Variants in CLASP2 observed in about 807,000 individuals in gnomAD.
CLASP2 encodes CLIP-associating protein 2.
In CLASP2, 47 loss-of-function variants were observed where a neutral mutation model predicts 194.4. The observed-to-expected ratio is 0.24, with a 90% confidence interval of 0.19 to 0.31. The LOEUF (loss-of-function observed/expected upper bound fraction) is 0.31. Ranked by LOEUF, CLASP2 falls within the 10% of genes least tolerant of loss-of-function variation. The pLI, the probability that CLASP2 is intolerant of heterozygous loss-of-function variation, is 1.00. For missense variants in CLASP2, 1,445 were observed against 1,823.6 expected (o/e 0.79, Z 3.78); for synonymous variants, 619 against 633.5 (o/e 0.98, Z 0.34).
Position 33,687,267 on chromosome 3 carries a change from T to C in CLASP2, c.471-132A>G, listed in dbSNP as rs550651030. On this transcript the variant is annotated intron_variant, in intron 4 of 38. Coordinates refer to ENST00000682230, the MANE Select transcript of CLASP2 (RefSeq NM_001365631.1). ...AGGATGGGCACACATCATTAAAACA[T>C]GAAGGATATGAGACATAAGCAAAAA... 4 of 578,590 alleles carry C rather than the reference T, an allele frequency of 6.9e-6. No homozygotes were observed. The South Asian group carries it at 7.5e-5, about 11-fold the overall frequency. 35.8% of individuals were successfully genotyped at this position (578,590 alleles called of 1,614,324 possible).
At chr3:33,612,599 A>G (rs894026557) in intron 12 of CLASP2, among the ~76,000 whole-genome samples, 3 of 152,188 alleles carry the variant, frequency 2.0e-5, no homozygotes, top group Non-Finnish European at 2.9e-5. Flanking sequence ...TCTGATTTCT[A>G]TTAGTAATTC....
At chr3:33,509,292 C>T (rs1033207398) in intron 37 of CLASP2, among the ~76,000 whole-genome samples, 2 of 152,200 alleles carry the variant, frequency 1.3e-5, no homozygotes, top group Non-Finnish European at 2.9e-5. Flanking sequence ...TCTTGGCTCA[C>T]CGCCAACTCC....
chr3:33,516,661 A>G (rs1338591382), intron 35 of CLASP2, among the ~76,000 whole-genome samples: 2 of 151,740 alleles, frequency 1.3e-5, no homozygotes, highest in Non-Finnish European at 2.9e-5. Context: ...AATGAGTGAG[A>G]TTATTCCTCA....
chr3:33,565,341 G>T (rs2062515084), intron 27 of CLASP2, among the ~76,000 whole-genome samples: 1 of 151,884 alleles, frequency 6.6e-6, no homozygotes, highest in Non-Finnish European at 1.5e-5. Flanking sequence ...ACCACACTCG[G>T]CTAATTTTTT....
Position 33,535,307 on chromosome 3 carries a change from T to C in CLASP2, c.3713A>G (p.Asp1238Gly), listed in dbSNP as rs764115456. Residue 1238 changes from aspartate (D) to glycine (G), a missense_variant, in exon 34 of 39, where the codon GAT (aspartate) becomes GGT (glycine). Asp to Gly is a moderately conservative substitution (Grantham distance 94, BLOSUM62 -1). This residue lies in a region of CLASP2 where 732 missense variants were observed against 987.9 expected (regional missense o/e 0.74). Coordinates refer to ENST00000682230, the MANE Select transcript of CLASP2 (RefSeq NM_001365631.1). Reference protein sequence around the residue: ...SRDYNPYNYSDSISPFNKSAL... With the variant: ...SRDYNPYNYSGSISPFNKSAL... The stretch of plus-strand genomic sequence containing the variant: ...AGACTTGTTGAAGGGACTGATGCTA[T>C]CTGAATAGTTATATGGATTATAGTC... 2 of 1,613,966 alleles carry C rather than the reference T, an allele frequency of 1.2e-6. No individual in the cohort carries two copies. Among genetic ancestry groups the C allele is most frequent in the Non-Finnish European group, 1.7e-6 (2 of 1,179,862 alleles).
At position 33,573,363 on chromosome 3, in the gene CLASP2, C is replaced by G; in HGVS notation, c.2455-9G>C. ...CTTCGAGCTGGTTTTTTCTGTTATA[C>G]ATCAAGAATCTCATTAGCAGTAGCC... On this transcript the variant is annotated splice_polypyrimidine_tract_variant and intron_variant, in intron 24 of 38. Coordinates refer to ENST00000682230, the MANE Select transcript of CLASP2 (RefSeq NM_001365631.1). 1 of 1,612,528 alleles carries G rather than the reference C, an allele frequency of 6.2e-7. No individual in the cohort carries two copies.
At chr3:33,704,744 C>T (rs73055649) in intron 1 of CLASP2, among the ~76,000 whole-genome samples, 1,653 of 151,386 alleles carry the variant, frequency 0.011, 16 homozygotes, top group Middle Eastern at 0.027. Context: ...CAGATGGAGA[C>T]GCAGTCTAAA....
Position 33,581,817 on chromosome 3 carries a change from G to C in CLASP2, c.2347+4C>G, listed in dbSNP as rs762395519. The C allele has an allele frequency of 6.2e-7, 1 of 1,606,652 alleles. No individual in the cohort carries two copies. The highest frequency in any genetic ancestry group is 8.5e-7 in the Non-Finnish European group (1 of 1,174,070). The stretch of plus-strand genomic sequence containing the variant: ...ATGCACATAACACCTGCCCGAATAC[G>C]TACCGAGGGGCTGAAAAGAGCGAAC... On this transcript the variant is annotated splice_donor_region_variant and intron_variant, in intron 23 of 38. Transcript: ENST00000682230.
chr3:33,671,464 A>C (rs1049838152), intron 6 of CLASP2, among the ~76,000 whole-genome samples: 1 of 152,250 alleles, frequency 6.6e-6, no homozygotes, highest in Non-Finnish European at 1.5e-5. Context: ...AGGAGGAGCC[A>C]AGATGGCCGA....
chr3:33,573,983 G>A (rs866691105), intron 24 of CLASP2, among the ~76,000 whole-genome samples: 11 of 152,080 alleles, frequency 7.2e-5, no homozygotes, highest in Admixed American at 2.6e-4. Flanking sequence ...TTTTCTCAAT[G>A]TATCTATATT....
chr3:33,542,864 A>G (rs1056574235), intron 32 of CLASP2, among the ~76,000 whole-genome samples: 2 of 152,302 alleles, frequency 1.3e-5, no homozygotes, highest in South Asian at 4.1e-4. Context: ...TCTGAGAAAT[A>G]TAACTATGCC....
intron 34 of CLASP2, among the ~76,000 whole-genome samples, chr3:33,528,586 AC>A (rs1223138755): frequency 6.6e-6 from 1 of 152,030 alleles, no homozygotes; most frequent in African/African-American, 2.4e-5. Flanking sequence ...ACATGGTGAA[AC>A]CCCATCTCTA....
intron 24 of CLASP2, chr3:33,574,614 C>A (rs112370683): frequency 1.8e-6 from 1 of 567,934 alleles, no homozygotes; most frequent in Non-Finnish European, 3.0e-6. Flanking sequence ...GTTTTTTTCA[C>A]ACATAGGTAC....
intron 1 of CLASP2, among the ~76,000 whole-genome samples, chr3:33,704,485 C>T (rs1301996367): frequency 2.0e-5 from 3 of 152,170 alleles, no homozygotes; most frequent in East Asian, 1.9e-4. Flanking sequence ...GGCACAGTGG[C>T]TCATGCCTGT....
intron 7 of CLASP2, among the ~76,000 whole-genome samples, chr3:33,645,691 A>T (rs1225369507): frequency 2.0e-5 from 3 of 152,188 alleles, no homozygotes; most frequent in Non-Finnish European, 4.4e-5. Flanking sequence ...ATAGAAAATA[A>T]GGTTTTATGC....
At chr3:33,614,201 A>G (rs961941689) in intron 12 of CLASP2, among the ~76,000 whole-genome samples, 4 of 152,216 alleles carry the variant, frequency 2.6e-5, no homozygotes, top group South Asian at 4.1e-4. Context: ...GTGAAAAATG[A>G]GCAATTTGAA....
At chr3:33,536,364 G>C (rs1011135633) in intron 33 of CLASP2, among the ~76,000 whole-genome samples, 2 of 152,106 alleles carry the variant, frequency 1.3e-5, no homozygotes, top group Non-Finnish European at 2.9e-5. Context: ...AGGATGAGTA[G>C]GGTTCACTGA....
intron 6 of CLASP2, among the ~76,000 whole-genome samples, chr3:33,681,121 T>C (rs2089768755): frequency 1.8e-5 from 2 of 114,200 alleles, no homozygotes; most frequent in African/African-American, 3.8e-5. Context: ...CGAGACTCCA[T>C]CTCAAAAAAA....
intron 18 of CLASP2, among the ~76,000 whole-genome samples, chr3:33,601,712 T>C (rs1160881069): frequency 2.6e-5 from 4 of 152,276 alleles, no homozygotes; most frequent in African/African-American, 7.2e-5. Context: ...CTGGAATATA[T>C]TTCTATATGG....
Sources: gnomAD v4.1 joint callset for allele counts (sites outside exome capture counted in the v4.1 genomes callset) on GRCh38, gnomAD v4.1.1 for gene constraint, gnomAD v4.1.1 regional missense constraint, MANE v1.5 for transcripts, NCBI Gene and HGNC (gene_info 2026-07-23, HGNC 2026-07-21) for gene names.